The following MTUS2 variants were observed in gnomAD, a reference collection of about 807,000 sequenced individuals.
MTUS2 encodes microtubule associated scaffold protein 2.
In MTUS2, 40 loss-of-function variants were observed where a neutral mutation model predicts 114.1. That is an observed-to-expected ratio of 0.35 (90% CI 0.27 to 0.46). The LOEUF is 0.46. Among genes scored for constraint, MTUS2 ranks in the 20% least tolerant of loss-of-function variants. The pLI, the probability that MTUS2 is intolerant of heterozygous loss-of-function variation, is 1.00. For synonymous variants in MTUS2, 688 were observed against 672.0 expected (o/e 1.02, Z -0.37); for missense variants, 1,679 against 1,705.4 (o/e 0.98, Z 0.27).
At chr13:28,845,183 A>C (rs1875785157) in intron 2 of MTUS2, among the ~76,000 whole-genome samples, 2 of 152,066 alleles carry the variant, frequency 1.3e-5, no homozygotes, top group Admixed American at 6.6e-5. Flanking sequence ...CTGATCTCAA[A>C]CAACCATCCT....
chr13:28,853,182 A>G (rs1876403657), intron 2 of MTUS2, among the ~76,000 whole-genome samples: 1 of 152,214 alleles, frequency 6.6e-6, no homozygotes, highest in Admixed American at 6.5e-5. Flanking sequence ...TCAATGTATG[A>G]ATGTGTGGTA....
chr13:29,466,434 T>C, intron 9 of MTUS2, among the ~76,000 whole-genome samples: 1 of 152,198 alleles, frequency 6.6e-6, no homozygotes, highest in East Asian at 1.9e-4. Context: ...AGGAATCCGT[T>C]TGATGTATTT....
intron 5 of MTUS2, among the ~76,000 whole-genome samples, chr13:29,266,959 G>A (rs1447674591): frequency 1.3e-5 from 2 of 152,170 alleles, no homozygotes; most frequent in East Asian, 3.9e-4. Flanking sequence ...AGAACAGTTT[G>A]GACTTTATTT....
At chr13:28,831,236 ACAT>A (rs1222090512) in intron 1 of MTUS2, among the ~76,000 whole-genome samples, 2 of 152,234 alleles carry the variant, frequency 1.3e-5, no homozygotes, top group Non-Finnish European at 2.9e-5. Context: ...GAACAAAAAG[ACAT>A]CAGACGTAAC....
At chr13:29,314,458 T>C (rs1899902794) in intron 6 of MTUS2, among the ~76,000 whole-genome samples, 1 of 152,182 alleles carries the variant, frequency 6.6e-6, no homozygotes, top group Non-Finnish European at 1.5e-5. Flanking sequence ...GAACTGAATT[T>C]TGACGTAACC....
chr13:28,905,047 T>C (rs903343342), intron 2 of MTUS2, among the ~76,000 whole-genome samples: 2 of 151,664 alleles, frequency 1.3e-5, no homozygotes, highest in Admixed American at 1.3e-4. Context: ...ATGATTTGGC[T>C]CTCTGTTTGC....
chr13:29,327,659 G>A (rs9314948), intron 7 of MTUS2, among the ~76,000 whole-genome samples: 29,365 of 152,110 alleles, frequency 0.19, 2,900 homozygotes, highest in Middle Eastern at 0.22. Context: ...GAACTTGGCT[G>A]TAATAAGTAA....
intron 6 of MTUS2, among the ~76,000 whole-genome samples, chr13:29,282,608 C>G (rs1475954278): frequency 6.6e-6 from 1 of 152,168 alleles, no homozygotes; most frequent in African/African-American, 2.4e-5. Flanking sequence ...CCTAGCTTTT[C>G]TTTTTCTACA....
At chr13:29,044,400 A>G (rs1274045587) in intron 4 of MTUS2, among the ~76,000 whole-genome samples, 2 of 152,124 alleles carry the variant, frequency 1.3e-5, no homozygotes, top group African/African-American at 2.4e-5. Flanking sequence ...TTTGTTTACA[A>G]TATGCCTTGA....
intron 2 of MTUS2, among the ~76,000 whole-genome samples, chr13:28,957,412 G>A (rs1007939100): frequency 2.2e-4 from 34 of 152,118 alleles, no homozygotes; most frequent in Admixed American, 6.5e-4. Context: ...GTATCCCTTG[G>A]TTCCACATTA....
At position 29,503,300 on chromosome 13, in the gene MTUS2, G is replaced by C; in HGVS notation, c.*94G>C. The C allele has an allele frequency of 7.0e-7, 1 of 1,423,958 alleles. No individual in the cohort carries two copies. The allele number at this position is 1,423,958 out of a possible 1,614,324, so 88.2% of individuals were successfully genotyped here. ...CCGGTGCCGCCGGAGCTGGCCCTGT[G>C]CGCATGCTCAGTAGCTGCGAATGCA... is the stretch of plus-strand genomic sequence containing the variant. On this transcript the variant is annotated 3_prime_UTR_variant, in exon 16 of 16. Coordinates refer to ENST00000612955, the MANE Select transcript of MTUS2 (RefSeq NM_001033602.4).
At chr13:29,418,527 A>C (rs1875844437) in intron 8 of MTUS2, among the ~76,000 whole-genome samples, 1 of 152,252 alleles carries the variant, frequency 6.6e-6, no homozygotes, top group East Asian at 1.9e-4. Flanking sequence ...CAGCTAGCCA[A>C]CTTCCGTAGT....
chr13:28,887,251 G>C (rs898072987), intron 2 of MTUS2, among the ~76,000 whole-genome samples: 1 of 152,152 alleles, frequency 6.6e-6, no homozygotes, highest in African/African-American at 2.4e-5. Context: ...GGCCTCTTTG[G>C]TGTATAATCA....
At chr13:29,170,816 C>A (rs1022745680) in intron 5 of MTUS2, among the ~76,000 whole-genome samples, 14 of 152,196 alleles carry the variant, frequency 9.2e-5, no homozygotes, top group Non-Finnish European at 4.4e-5. Flanking sequence ...AAGTGTGTGT[C>A]TCTTGTTGTG....
intron 8 of MTUS2, among the ~76,000 whole-genome samples, chr13:29,377,132 C>A (rs922711484): frequency 6.6e-6 from 1 of 152,132 alleles, no homozygotes; most frequent in African/African-American, 2.4e-5. Flanking sequence ...AACTGAACAG[C>A]AAAATAGGTG....
At chr13:29,090,065 A>G (rs1889869132) in intron 4 of MTUS2, among the ~76,000 whole-genome samples, 1 of 152,180 alleles carries the variant, frequency 6.6e-6, no homozygotes, top group Admixed American at 6.5e-5. Flanking sequence ...ATGGGCTGAT[A>G]TTACTTTAAT....
intron 4 of MTUS2, among the ~76,000 whole-genome samples, chr13:29,094,097 G>C (rs764483129): frequency 5.3e-5 from 8 of 152,090 alleles, no homozygotes; most frequent in Non-Finnish European, 7.4e-5. Flanking sequence ...TATGTTGCCA[G>C]CTTCAGTGCG....
intron 5 of MTUS2, among the ~76,000 whole-genome samples, chr13:29,153,504 GC>G (rs1555244298): frequency 2.0e-5 from 3 of 152,126 alleles, no homozygotes; most frequent in Non-Finnish European, 4.4e-5. Flanking sequence ...CGAGGAGGGG[GC>G]AGGAACCTCC....
intron 5 of MTUS2, among the ~76,000 whole-genome samples, chr13:29,199,400 G>A (rs1894840961): frequency 6.6e-6 from 1 of 152,184 alleles, no homozygotes; most frequent in Non-Finnish European, 1.5e-5. Flanking sequence ...TTAGCATGAA[G>A]GGCTGTTGAA....
Sources: allele counts gnomAD v4.1 joint callset (sites outside exome capture counted in the v4.1 genomes callset), GRCh38; gene constraint gnomAD v4.1.1; transcripts MANE v1.5; gene names NCBI Gene and HGNC (gene_info 2026-07-23, HGNC 2026-07-21).